The following LAMP3 variants were observed in gnomAD, a reference collection of about 807,000 sequenced individuals.
LAMP3 encodes lysosome-associated membrane glycoprotein 3.
In LAMP3, 26 loss-of-function variants were observed where a neutral mutation model predicts 34.8. That is an observed-to-expected ratio of 0.75 (90% CI 0.55 to 1.04). LAMP3 has a LOEUF of 1.04. Ranked by LOEUF, LAMP3 falls within the 50% of genes least tolerant of loss-of-function variation. LAMP3 has a pLI of 0.00. For missense variants in LAMP3, 495 were observed against 524.0 expected, an observed-to-expected ratio of 0.94 and a Z score of 0.54; for synonymous variants, 180 against 201.9, an observed-to-expected ratio of 0.89 and a Z score of 0.92.
chr3:183,133,354 C>T (rs866022128), intron 5 of LAMP3, among the ~76,000 whole-genome samples: 2 of 152,152 alleles, frequency 1.3e-5, no homozygotes, highest in Non-Finnish European at 2.9e-5. Flanking sequence ...GCCATATTCT[C>T]CAACTCTAGT....
rs577131794 is a variant in LAMP3, at chr3:183,143,029, CAG to C, written c.889-2436_889-2435del. On this transcript the variant is annotated intron_variant, in intron 3 of 5. Coordinates refer to ENST00000265598, the MANE Select transcript of LAMP3 (RefSeq NM_014398.4). ...GAGTTCATCTTAAGGACACACAGGACAGAGTCTGGAAGCTGTACTCAGAATTC... is the reference window on the plus strand; with the variant it reads ...GAGTTCATCTTAAGGACACACAGGACAGTCTGGAAGCTGTACTCAGAATTC... 3.5e-4 allele frequency among the ~76,000 whole-genome samples: 54 copies of C among 152,288 alleles called. 1 individual carries two copies. Among genetic ancestry groups the C allele is most frequent in the Admixed American group, 3.3e-3 (50 of 15,300 alleles).
chr3:183,156,605 C>A (rs932473709), intron 1 of LAMP3, among the ~76,000 whole-genome samples: 8 of 152,200 alleles, frequency 5.3e-5, no homozygotes, highest in Admixed American at 2.0e-4. Context: ...TTCTATCTCC[C>A]TCCACCATTC....
At position 183,154,024 on chromosome 3, in the gene LAMP3, G is replaced by T; in HGVS notation, c.417C>A (p.Thr139=). The change falls in exon 2 of 6, where the codon ACC becomes ACA. Residue 139 remains threonine (T), a synonymous_variant. Transcript: ENST00000265598. The part of the protein sequence containing the change: ...LAPYSLPPTI[T]PPAHTTGTSS... ...TGGTTCCAGTTGTATGAGCTGGTGG[G>T]GTGATGGTGGGTGGCAGTGAATAAG... The T allele has an allele frequency of 1.2e-6, 2 of 1,614,152 alleles. No homozygotes were observed. Among genetic ancestry groups the T allele is most frequent in the Non-Finnish European group, 1.7e-6 (2 of 1,180,026 alleles).
At chr3:183,161,596 C>T (rs964203157) in intron 1 of LAMP3, among the ~76,000 whole-genome samples, 1 of 151,836 alleles carries the variant, frequency 6.6e-6, no homozygotes, top group Non-Finnish European at 1.5e-5. Flanking sequence ...TCACCGGTGG[C>T]CAGGCTAGTC....
At chr3:183,159,249 C>T (rs1053935219) in intron 1 of LAMP3, among the ~76,000 whole-genome samples, 2 of 152,200 alleles carry the variant, frequency 1.3e-5, no homozygotes, top group African/African-American at 4.8e-5. Context: ...GGGTGGGAAT[C>T]CAACACAAGG....
intron 3 of LAMP3, among the ~76,000 whole-genome samples, chr3:183,149,933 T>A (rs1014497246): frequency 2.6e-5 from 4 of 152,166 alleles, no homozygotes; most frequent in African/African-American, 9.7e-5. Flanking sequence ...CTGGGATAAC[T>A]AAGGCCAGTG....
intron 4 of LAMP3, among the ~76,000 whole-genome samples, chr3:183,139,710 C>T (rs986080067): frequency 6.6e-6 from 1 of 152,092 alleles, no homozygotes; most frequent in African/African-American, 2.4e-5. Context: ...GTTTTTGCAC[C>T]AACCATGAAA....
At chr3:183,151,075 C>T (rs1397809887) in intron 3 of LAMP3, among the ~76,000 whole-genome samples, 3 of 152,234 alleles carry the variant, frequency 2.0e-5, no homozygotes, top group African/African-American at 4.8e-5. Context: ...CCACTCTTCA[C>T]TGAACATTGT....
chr3:183,151,506 C>T (rs1232468191), intron 3 of LAMP3, among the ~76,000 whole-genome samples: 4 of 148,980 alleles, frequency 2.7e-5, no homozygotes, highest in South Asian at 4.2e-4. Context: ...CGGCTCACTG[C>T]AACCTCCACC....
intron 2 of LAMP3, among the ~76,000 whole-genome samples, chr3:183,153,174 C>CAAA (rs750659929): frequency 0.11 from 5,159 of 46,366 alleles, 272 homozygotes; most frequent in East Asian, 0.2. Context: ...GACTCCGTCT[C>CAAA]AAAAAAAAAA....
At position 183,124,068 on chromosome 3, in the gene LAMP3, C is replaced by G. The variant is rs774663604; in HGVS notation, c.*13G>C. On this transcript the variant is annotated 3_prime_UTR_variant, in exon 6 of 6. Transcript: ENST00000265598. ...CTCTAAATTCCATTATTTTCATTCCCCCCGGGCAACAATTAGATTCTCTGG... is the reference window on the plus strand; with the variant it reads ...CTCTAAATTCCATTATTTTCATTCCGCCCGGGCAACAATTAGATTCTCTGG... 21 of 1,613,790 alleles carry G rather than the reference C, an allele frequency of 1.3e-5. No homozygotes were observed. Among genetic ancestry groups the G allele is most frequent in the Non-Finnish European group, 1.7e-5 (20 of 1,179,896 alleles).
Position 183,154,378 on chromosome 3 carries a change from A to G in LAMP3, c.63T>C (p.Asp21=). 6.3e-7 allele frequency: 1 copy of G among 1,593,160 alleles called. No individual in the cohort carries two copies. The highest frequency in any genetic ancestry group is 8.5e-7 in the Non-Finnish European group (1 of 1,170,896). Residue 21 remains aspartate (D), a synonymous_variant, in exon 2 of 6, where the codon GAT becomes GAC. Transcript: ENST00000265598. ...LFASLAVILH[D]GSQMRAKAFP... ...ATGCTTTTGCTCTCATTTGACTGCCATCGTGCAAAATTACTGAAAATTAGG... is the reference window on the plus strand; with the variant it reads ...ATGCTTTTGCTCTCATTTGACTGCCGTCGTGCAAAATTACTGAAAATTAGG...
At chr3:183,136,517 G>A (rs369862603) in intron 4 of LAMP3, among the ~76,000 whole-genome samples, 18 of 152,122 alleles carry the variant, frequency 1.2e-4, no homozygotes, top group East Asian at 7.7e-4. Context: ...TGGGCGCGGT[G>A]GCACATGCCT....
At chr3:183,161,842 G>T (rs900114715) in intron 1 of LAMP3, 38 of 423,970 alleles carry the variant, frequency 9.0e-5, no homozygotes, top group Admixed American at 1.9e-4. Flanking sequence ...TCCCCTAAAA[G>T]AACCTGAAAC....
intron 5 of LAMP3, among the ~76,000 whole-genome samples, chr3:183,130,818 C>A (rs605719): frequency 9.9e-5 from 15 of 152,034 alleles, no homozygotes; most frequent in Non-Finnish European, 1.6e-4. Context: ...GGTTGGAAAA[C>A]GAAGAAAATA....
intron 3 of LAMP3, among the ~76,000 whole-genome samples, chr3:183,143,942 G>A (rs599501): frequency 0.77 from 116,998 of 151,572 alleles, 46,864 homozygotes; most frequent in Non-Finnish European, 0.89. Flanking sequence ...CTACCTTTCT[G>A]CAGACATACG....
chr3:183,130,418 A>G (rs954975734), intron 5 of LAMP3, among the ~76,000 whole-genome samples: 1 of 151,708 alleles, frequency 6.6e-6, no homozygotes, highest in African/African-American at 2.4e-5. Context: ...TCGGCCTCCC[A>G]AAGTGCTGGG....
chr3:183,137,820 C>A (rs371909692), intron 4 of LAMP3, among the ~76,000 whole-genome samples: 9 of 151,116 alleles, frequency 6.0e-5, no homozygotes, highest in African/African-American at 1.7e-4. Flanking sequence ...CCCTTCCCCC[C>A]ACCTTTTTTT....
intron 3 of LAMP3, among the ~76,000 whole-genome samples, chr3:183,147,857 C>G (rs1720493320): frequency 6.6e-6 from 1 of 152,080 alleles, no homozygotes; most frequent in African/African-American, 2.4e-5. Flanking sequence ...GCTGGGACCA[C>G]AGGTACACGT....
Sources: allele counts gnomAD v4.1 joint callset (sites outside exome capture counted in the v4.1 genomes callset), GRCh38; gene constraint gnomAD v4.1.1; transcripts MANE v1.5; gene names NCBI Gene and HGNC (gene_info 2026-07-23, HGNC 2026-07-21).